The following DSCAM variants were observed in gnomAD, a reference collection of about 807,000 sequenced individuals.
DSCAM encodes cell adhesion molecule DSCAM.
A neutral mutation model predicts 217.7 loss-of-function variants in DSCAM; 47 were observed. The observed-to-expected ratio is 0.22, with a 90% CI of 0.17 to 0.28. DSCAM has a LOEUF of 0.28. Ranked by LOEUF, DSCAM falls within the 10% of genes least tolerant of loss-of-function variation. DSCAM has a pLI of 1.00. For synonymous variants in DSCAM, 1,056 were observed against 1,015.3 expected (o/e 1.04, Z -0.76); for missense variants, 2,080 against 2,618.3 (o/e 0.79, Z 4.49).
intron 27 of DSCAM, among the ~76,000 whole-genome samples, chr21:40,070,938 G>A (rs967415554): frequency 1.3e-5 from 2 of 152,210 alleles, no homozygotes; most frequent in South Asian, 4.1e-4. Context: ...TTCAAGAGAA[G>A]CAAGACACTC....
rs555352485 is a variant in DSCAM at position 40,804,359 on chromosome 21, A to G, written c.43+42260T>C. On this transcript the variant is annotated intron_variant, in intron 1 of 32. Coordinates refer to ENST00000400454, the MANE Select transcript of DSCAM (RefSeq NM_001389.5). ...TGCTTTGGTTGCCTTCCGCATTCCA[A>G]CCTTTCCCTGATGATTATCCTGTTC... Among the ~76,000 whole-genome samples, 6 of 152,122 alleles carry G rather than the reference A, an allele frequency of 3.9e-5. No homozygotes were observed. The South Asian group carries it at 1.0e-3, about 26-fold the overall frequency.
chr21:40,145,681 C>T (rs2146721283), intron 16 of DSCAM, among the ~76,000 whole-genome samples: 1 of 151,946 alleles, frequency 6.6e-6, no homozygotes, highest in African/African-American at 2.4e-5. Flanking sequence ...CCCGTCTCTG[C>T]TAAAAATACA....
rs1402485206 is a variant in DSCAM, at chr21:40,312,325, T to A, written c.1818A>T (p.Arg606Ser). The change falls in exon 9 of 33, where the codon AGA becomes AGT. Residue 606 changes from arginine (R) to serine (S), a missense_variant. Transcript: ENST00000400454. ...PPFIQPFEFP[R>S]FSIGQRVFIP... The stretch of plus-strand genomic sequence containing the variant: ...TGAAGACCCGCTGCCCAATGGAGAA[T>A]CTTGGAAACTCAAAGGGTTGTATGA... The A allele has an allele frequency of 2.5e-6, 4 of 1,613,836 alleles. No individual in the cohort carries two copies. The East Asian group carries it at 8.9e-5, about 36-fold the overall frequency.
At chr21:40,154,374 C>G (rs1271293520) in intron 16 of DSCAM, among the ~76,000 whole-genome samples, 2 of 152,040 alleles carry the variant, frequency 1.3e-5, no homozygotes, top group Non-Finnish European at 2.9e-5. Flanking sequence ...CCACTTCAGC[C>G]TCCTGAGTAC....
intron 3 of DSCAM, among the ~76,000 whole-genome samples, chr21:40,551,276 T>C (rs11700437): frequency 6.6e-6 from 1 of 151,904 alleles, no homozygotes; most frequent in South Asian, 2.1e-4. Flanking sequence ...CTTGAAGTGG[T>C]TGGGGGTGTT....
chr21:40,502,157 G>A (rs2076174791), intron 3 of DSCAM, among the ~76,000 whole-genome samples: 1 of 152,088 alleles, frequency 6.6e-6, no homozygotes, highest in Non-Finnish European at 1.5e-5. Context: ...ACAAACCACA[G>A]TAGTATTAGT....
intron 11 of DSCAM, among the ~76,000 whole-genome samples, chr21:40,247,198 G>C (rs191476513): frequency 1.3e-5 from 2 of 151,906 alleles, no homozygotes; most frequent in Non-Finnish European, 1.5e-5. Context: ...GAGATTTGGT[G>C]GGGGGGCACA....
intron 3 of DSCAM, among the ~76,000 whole-genome samples, chr21:40,664,362 G>C (rs773995373): frequency 6.6e-6 from 1 of 152,158 alleles, no homozygotes; most frequent in Non-Finnish European, 1.5e-5. Flanking sequence ...GTGTGAGTTT[G>C]CTACCTTGCA....
intron 26 of DSCAM, among the ~76,000 whole-genome samples, chr21:40,076,793 A>C (rs1390556569): frequency 6.6e-6 from 1 of 152,242 alleles, no homozygotes; most frequent in Non-Finnish European, 1.5e-5. Context: ...AGGCATCTGC[A>C]CATATTATAG....
At chr21:40,244,149 T>C (rs1483043232) in intron 11 of DSCAM, among the ~76,000 whole-genome samples, 2 of 152,146 alleles carry the variant, frequency 1.3e-5, no homozygotes, top group Admixed American at 6.6e-5. Flanking sequence ...AGCCAAACTG[T>C]TATTAAAATT....
intron 3 of DSCAM, among the ~76,000 whole-genome samples, chr21:40,376,489 A>ATATCTATATATCTTATATC (rs2074954851): frequency 1.2e-5 from 1 of 86,788 alleles, no homozygotes; most frequent in African/African-American, 6.0e-5. Context: ...TATCTTATAT[A>ATATCTATATATCTTATATC]GATATCTATA....
intron 3 of DSCAM, among the ~76,000 whole-genome samples, chr21:40,381,363 GA>G (rs1218063845): frequency 1.3e-5 from 2 of 152,182 alleles, no homozygotes; most frequent in Non-Finnish European, 2.9e-5. Flanking sequence ...ATGTTTAGAA[GA>G]GGTACATCAG....
In DSCAM at chr21:40,508,752, TATATATATATATATATATATATATATATA is replaced by T. The variant is rs2076230540; in HGVS notation, c.509-139536_509-139508del. 1.7e-3 allele frequency among the ~76,000 whole-genome samples: 5 copies of T among 2,940 alleles called. 1 individual carries two copies. The highest frequency in any genetic ancestry group is 9.5e-3 in the African/African-American group (5 of 526). 1.9% of individuals were successfully genotyped at this position (2,940 alleles called of 152,430 possible). A position where few individuals can be genotyped will look rare whatever the true frequency, so the allele number is the denominator to read the frequency against. ...CCCGGCAAATATATATATATATATA[TATATATATATATATATATATATATATATA>T]TATTTTTTTTTTTTTTTTTTTTTTT... On this transcript the variant is annotated intron_variant, in intron 3 of 32. Transcript: ENST00000400454.
At chr21:40,166,033 G>A (rs2090591479) in intron 16 of DSCAM, among the ~76,000 whole-genome samples, 1 of 152,170 alleles carries the variant, frequency 6.6e-6, no homozygotes, top group Admixed American at 6.5e-5. Context: ...GGCTGCGGTT[G>A]AGAAACGCTG....
At position 40,689,298 on chromosome 21, in the gene DSCAM, C is replaced by T. The variant is rs138196296; in HGVS notation, c.508+3512G>A. ...AAAGGTCCCCTGGCCTAGAGATTCA[C>T]AGAAACCCAAAGCTCATCTGTTAGA... On this transcript the variant is annotated intron_variant, in intron 3 of 32. Coordinates refer to ENST00000400454, the MANE Select transcript of DSCAM (RefSeq NM_001389.5). Among the ~76,000 whole-genome samples the T allele has an allele frequency of 3.2e-4, 48 of 152,368 alleles. No homozygotes were observed. The East Asian group carries it at 8.5e-3, about 27-fold the overall frequency.
At chr21:40,268,919 G>C (rs57369152) in intron 11 of DSCAM, among the ~76,000 whole-genome samples, 6,824 of 152,144 alleles carry the variant, frequency 0.045, 539 homozygotes, top group African/African-American at 0.16. Context: ...ATGTGCCCAG[G>C]TCCGAGTGCT....
At chr21:40,497,970 T>C (rs956257243) in intron 3 of DSCAM, among the ~76,000 whole-genome samples, 8 of 152,208 alleles carry the variant, frequency 5.3e-5, no homozygotes, top group African/African-American at 1.9e-4. Flanking sequence ...ATTTCGAGTA[T>C]AATCCAACAG....
chr21:40,800,712 T>G (rs13046703), intron 1 of DSCAM, among the ~76,000 whole-genome samples: 2 of 137,874 alleles, frequency 1.5e-5, no homozygotes, highest in Admixed American at 1.5e-4. Context: ...TCTTTCTTAC[T>G]TTCTTTTTTT....
intron 1 of DSCAM, among the ~76,000 whole-genome samples, chr21:40,732,459 CAAG>C (rs946742262): frequency 1.3e-5 from 2 of 152,188 alleles, no homozygotes; most frequent in Admixed American, 6.5e-5. Flanking sequence ...CATGAAATCA[CAAG>C]AAGAATGCAT....
Sources: allele counts gnomAD v4.1 joint callset (sites outside exome capture counted in the v4.1 genomes callset), GRCh38; gene constraint gnomAD v4.1.1; transcripts MANE v1.5; gene names NCBI Gene and HGNC (gene_info 2026-07-23, HGNC 2026-07-21).